ACACB: variants seen among roughly 807,000 people sequenced by gnomAD.
ACACB encodes acetyl-CoA carboxylase beta.
In ACACB, 209 loss-of-function variants were observed where a neutral mutation model predicts 278.8. That is an observed-to-expected ratio of 0.75 (90% CI 0.67 to 0.84). The LOEUF is 0.84. Among genes scored for constraint, ACACB ranks in the 40% least tolerant of loss-of-function variants. The probability of loss-of-function intolerance (pLI) is 0.00; values close to 1 mark genes in which losing one functional copy is unlikely to be tolerated. For missense variants in ACACB, 2,850 were observed against 3,269.0 expected (o/e 0.87, Z 3.13); for synonymous variants, 1,174 against 1,285.6 (o/e 0.91, Z 1.86).
At chr12:109,249,886 C>A in intron 40 of ACACB, 98 bp from the exon 41 acceptor site, 1 of 1,456,610 alleles carries the variant, frequency 6.9e-7, no homozygotes, top group Non-Finnish European at 9.2e-7. Context: ...CTTCCAATCT[C>A]TCACCTTGCT....
chr12:109,263,982 T>A, intron 49 of ACACB: 1 of 479,952 alleles, frequency 2.1e-6, no homozygotes, highest in Non-Finnish European at 3.7e-6. Context: ...CTATTTGATC[T>A]GAGACAAAGG....
rs776959478 is a variant in ACACB, at chr12:109,250,152, A to C, written c.5790+48A>C. ...TTACTTTTCAACTTTCCATTATAGAAACTTTAAAATTGTCACAAAATTAGA... is the reference window on the plus strand; with the variant it reads ...TTACTTTTCAACTTTCCATTATAGACACTTTAAAATTGTCACAAAATTAGA... On this transcript the variant is annotated intron_variant, in intron 41 of 52. Coordinates refer to ENST00000338432, the MANE Select transcript of ACACB (RefSeq NM_001093.4). 7 of 1,522,334 alleles carry C rather than the reference A, an allele frequency of 4.6e-6. No individual in the cohort carries two copies. The South Asian group carries it at 7.6e-5, about 17-fold the overall frequency. 94.3% of individuals were successfully genotyped at this position (1,522,334 alleles called of 1,614,324 possible). A position where few individuals can be genotyped will look rare whatever the true frequency, so the allele number is the denominator to read the frequency against.
chr12:109,174,034 C>A, intron 6 of ACACB, 98 bp from the exon 7 acceptor site: 1 of 988,040 alleles, frequency 1.0e-6, no homozygotes, highest in Non-Finnish European at 1.5e-6. Context: ...TCATCTGCTC[C>A]TTACCTGGCC....
chr12:109,241,466 C>A (rs1877431003), intron 36 of ACACB, among the ~76,000 whole-genome samples, 185 bp downstream of exon 36: 1 of 152,194 alleles, frequency 6.6e-6, no homozygotes. Context: ...TGGTTTTTCA[C>A]TCACCTAAAA....
intron 2 of ACACB, among the ~76,000 whole-genome samples, chr12:109,156,951 C>T (rs2043559129): frequency 1.3e-5 from 2 of 152,204 alleles, no homozygotes; most frequent in Non-Finnish European, 2.9e-5. Context: ...CTTCAAAATA[C>T]CACTGTGGGG....
chr12:109,162,534 C>T (rs142013510), intron 2 of ACACB, among the ~76,000 whole-genome samples: 109 of 152,196 alleles, frequency 7.2e-4, no homozygotes, highest in Non-Finnish European at 1.2e-3. Flanking sequence ...TCCACTTCGA[C>T]CCCAACAGAA....
intron 2 of ACACB, among the ~76,000 whole-genome samples, chr12:109,163,838 C>T (rs1426668286): frequency 2.0e-5 from 3 of 151,996 alleles, no homozygotes; most frequent in Admixed American, 6.6e-5. Context: ...TTAGTAGAGA[C>T]GGGGTTTCAC....
chr12:109,244,957 T>C (rs890515429), intron 37 of ACACB, among the ~76,000 whole-genome samples: 4 of 152,054 alleles, frequency 2.6e-5, no homozygotes, highest in African/African-American at 7.2e-5. Context: ...CCCAGCACTT[T>C]GGGAGGCTAT....
At chr12:109,233,509 T>C (rs369584115) in intron 29 of ACACB, among the ~76,000 whole-genome samples, 1 of 152,208 alleles carries the variant, frequency 6.6e-6, no homozygotes, top group Non-Finnish European at 1.5e-5. Flanking sequence ...AATCCTTCCC[T>C]GTATTCCTGA....
chr12:109,170,398 A>G (rs963023262), intron 4 of ACACB, among the ~76,000 whole-genome samples: 2 of 152,122 alleles, frequency 1.3e-5, no homozygotes, highest in Admixed American at 6.6e-5. Context: ...ATTCCTAGAC[A>G]TGGAACTTCT....
At chr12:109,217,919 G>T (rs1056031257) in intron 24 of ACACB, among the ~76,000 whole-genome samples, 1 of 152,246 alleles carries the variant, frequency 6.6e-6, no homozygotes. Context: ...TACTCCTGAA[G>T]TGCTTTCCAA....
intron 1 of ACACB, among the ~76,000 whole-genome samples, chr12:109,133,851 A>C (rs2569986): frequency 0.37 from 29,555 of 80,592 alleles, 5,017 homozygotes; most frequent in East Asian, 0.7. Context: ...ATATATATAT[A>C]TATATATATA....
At chr12:109,201,848 G>A in intron 19 of ACACB, 147 bp downstream of exon 19, 1 of 1,160,384 alleles carries the variant, frequency 8.6e-7, no homozygotes, top group Non-Finnish European at 1.2e-6. Flanking sequence ...CCACCGTGAT[G>A]GTGCAGAAAC....
At position 109,226,470 on chromosome 12, in the gene ACACB, C is replaced by T. The variant is rs192937401; in HGVS notation, c.3883-901C>T. ...ATCCCAGCACTTTGGGAGGCCAAGG[C>T]GGGCGGATCACCTGAGGTCGGGAGT... On this transcript the variant is annotated intron_variant, in intron 27 of 52. Transcript: ENST00000338432. Among the ~76,000 whole-genome samples the T allele has an allele frequency of 5.3e-4, 80 of 152,142 alleles. No homozygotes were observed. The East Asian group carries it at 7.2e-3, about 14-fold the overall frequency.
intron 1 of ACACB, among the ~76,000 whole-genome samples, chr12:109,136,291 C>T (rs1314920254): frequency 6.6e-6 from 1 of 152,170 alleles, no homozygotes; most frequent in Non-Finnish European, 1.5e-5. Flanking sequence ...AATCTTCAAA[C>T]ATATTTTTTA....
intron 19 of ACACB, among the ~76,000 whole-genome samples, chr12:109,204,174 C>T (rs2045422442): frequency 6.6e-6 from 1 of 151,724 alleles, no homozygotes; most frequent in Non-Finnish European, 1.5e-5. Flanking sequence ...TTTCTTTGCG[C>T]TAGGAACATT....
intron 19 of ACACB, among the ~76,000 whole-genome samples, chr12:109,206,384 A>G (rs1205826589): frequency 2.8e-5 from 4 of 144,308 alleles, no homozygotes; most frequent in African/African-American, 1.1e-4. Flanking sequence ...CAGTGAGCCG[A>G]GGTCATGCCA....
intron 15 of ACACB, among the ~76,000 whole-genome samples, chr12:109,192,948 AGCCACTGT>A (rs2044947484): frequency 6.6e-6 from 1 of 152,184 alleles, no homozygotes; most frequent in South Asian, 2.1e-4. Flanking sequence ...TATAGGCGTG[AGCCACTGT>A]GCCTGGTAAG....
At chr12:109,123,314 T>C (rs1207983640) in intron 1 of ACACB, among the ~76,000 whole-genome samples, 1 of 152,218 alleles carries the variant, frequency 6.6e-6, no homozygotes, top group Non-Finnish European at 1.5e-5. Flanking sequence ...TCAGTGTCTT[T>C]ATCCTTGAAT....
Sources: allele counts gnomAD v4.1 joint callset (sites outside exome capture counted in the v4.1 genomes callset), GRCh38; gene constraint gnomAD v4.1.1; transcripts MANE v1.5; gene names NCBI Gene and HGNC (gene_info 2026-07-23, HGNC 2026-07-21).